PTGFR: variants seen among roughly 807,000 people sequenced by gnomAD.
PTGFR encodes the protein prostaglandin F receptor, also known as prostaglandin F2-alpha receptor.
PTGFR carries 15 observed loss-of-function variants against 26.2 expected under a neutral mutation model. The observed-to-expected ratio is 0.57, with a 90% confidence interval of 0.38 to 0.88. The LOEUF is 0.88. Ranked by LOEUF, PTGFR falls within the 40% of genes least tolerant of loss-of-function variation. The pLI is 0.00. For synonymous variants in PTGFR, 165 were observed against 151.1 expected (o/e 1.09, Z -0.68); for missense variants, 369 against 427.2 (o/e 0.86, Z 1.20).
intron 2 of PTGFR, among the ~76,000 whole-genome samples, chr1:78,511,472 G>A (rs1649969113): frequency 6.6e-6 from 1 of 152,198 alleles, no homozygotes; most frequent in Non-Finnish European, 1.5e-5. Context: ...AGCCATGGCT[G>A]GAGCTGAAAC....
chr1:78,522,536 A>AT (rs1311606872), intron 2 of PTGFR, among the ~76,000 whole-genome samples: 5 of 152,214 alleles, frequency 3.3e-5, no homozygotes, highest in Non-Finnish European at 7.4e-5. Context: ...TTCTCAAAGC[A>AT]TATACACATG....
At chr1:78,507,778 A>G (rs1158262108) in intron 2 of PTGFR, among the ~76,000 whole-genome samples, 12 of 152,160 alleles carry the variant, frequency 7.9e-5, no homozygotes, top group Non-Finnish European at 1.6e-4. Flanking sequence ...TGATTTCTAG[A>G]TTGCTGAAGT....
rs35438037 is a variant in PTGFR at position 78,526,852 on chromosome 1, A to T, written c.799-9554A>T. 1.8e-4 allele frequency among the ~76,000 whole-genome samples: 28 copies of T among 152,214 alleles called. No homozygotes were observed. In the East Asian group the frequency reaches 5.2e-3, roughly 28 times the overall value. Reference sequence around the variant, plus strand: ...CACTCATTAAAAGGGATAGAACACAACTGTGCTGATCGTAGAATTAACTGT... The same window carrying T: ...CACTCATTAAAAGGGATAGAACACATCTGTGCTGATCGTAGAATTAACTGT... On this transcript the variant is annotated intron_variant, in intron 2 of 2. Coordinates refer to ENST00000370757, the MANE Select transcript of PTGFR (RefSeq NM_000959.4).
At chr1:78,532,643 C>T (rs1434567919) in intron 2 of PTGFR, among the ~76,000 whole-genome samples, 1 of 151,248 alleles carries the variant, frequency 6.6e-6, no homozygotes, top group Non-Finnish European at 1.5e-5. Context: ...TCTCTGCTCA[C>T]TGCAACCTCT....
At chr1:78,531,768 C>T (rs1570300360) in intron 2 of PTGFR, among the ~76,000 whole-genome samples, 1 of 152,142 alleles carries the variant, frequency 6.6e-6, no homozygotes, top group South Asian at 2.1e-4. Flanking sequence ...TTGTCTTCCC[C>T]AACTCAAGTG....
intron 2 of PTGFR, among the ~76,000 whole-genome samples, chr1:78,523,580 C>T (rs2100388372): frequency 1.5e-5 from 2 of 135,922 alleles, no homozygotes; most frequent in Middle Eastern, 4.4e-3. Flanking sequence ...AATAGGGAGT[C>T]TGGCACAGGT....
intron 2 of PTGFR, among the ~76,000 whole-genome samples, chr1:78,508,271 T>C (rs1481552647): frequency 2.0e-5 from 3 of 152,248 alleles, no homozygotes; most frequent in Non-Finnish European, 4.4e-5. Flanking sequence ...TATTCTTTTC[T>C]ACAAAAATTG....
chr1:78,492,937 C>T lies in PTGFR; in HGVS notation c.194C>T (p.Ser65Leu), dbSNP rs1363168783. 3 of 1,614,236 alleles carry T rather than the reference C, an allele frequency of 1.9e-6. No homozygotes were observed. Among genetic ancestry groups the T allele is most frequent in the African/African-American group, 1.3e-5 (1 of 75,062 alleles). ...AGATTTAGACAGAAGTCCAAGGCAT[C>T]GTTTCTGCTTTTGGCCAGTGGCCTG... ...YQRFRQKSKA[S>L]FLLLASGLVI... is the part of the protein sequence containing the mutation. The change falls in exon 2 of 3, where the codon TCG becomes TTG. Residue 65 changes from serine (S) to leucine (L), a missense_variant. Coordinates refer to ENST00000370757, the MANE Select transcript of PTGFR (RefSeq NM_000959.4).
chr1:78,529,828 G>C (rs1450738810), intron 2 of PTGFR, among the ~76,000 whole-genome samples: 6 of 152,172 alleles, frequency 3.9e-5, no homozygotes, highest in Non-Finnish European at 8.8e-5. Context: ...TACCACCTGA[G>C]TTCTGCCTCC....
In PTGFR at chr1:78,537,446, G is replaced by A. The variant is rs1308305163; in HGVS notation, c.*759G>A. 6.6e-6 allele frequency: 1 copy of A among 152,022 alleles called. No individual in the cohort carries two copies. Among genetic ancestry groups the A allele is most frequent in the Non-Finnish European group, 1.5e-5 (1 of 67,996 alleles). The allele number at this position is 152,022 out of a possible 1,614,324, so 9.4% of individuals were successfully genotyped here. ...ATAAATAATTTTTAGAGAAACAAAG[G>A]CTCTTTCTCAGCACATTGATGGGCA... On this transcript the variant is annotated 3_prime_UTR_variant, in exon 3 of 3. Transcript: ENST00000370757.
intron 2 of PTGFR, among the ~76,000 whole-genome samples, chr1:78,507,539 T>C (rs572969531): frequency 1.3e-5 from 2 of 151,512 alleles, no homozygotes; most frequent in African/African-American, 4.8e-5. Context: ...GGATATAGTC[T>C]ATGTCTACTT....
At chr1:78,492,631 A>C in intron 1 of PTGFR, 41 bp from the exon 2 acceptor site, 1 of 1,013,914 alleles carries the variant, frequency 9.9e-7, no homozygotes, top group Non-Finnish European at 1.4e-6. Flanking sequence ...TCAGATGAGC[A>C]GTAATGCGGT....
rs2100412410 is a variant in PTGFR at position 78,540,215 on chromosome 1, T to C, written c.*3528T>C. ...GAATCACACACAGGCTGTTAGAATA[T>C]CCATCTGGAGGCAACACACATTTGC... On this transcript the variant is annotated 3_prime_UTR_variant, in exon 3 of 3. Coordinates refer to ENST00000370757, the MANE Select transcript of PTGFR (RefSeq NM_000959.4). 6.6e-6 allele frequency among the ~76,000 whole-genome samples: 1 copy of C among 152,162 alleles called. No homozygotes were observed. Among genetic ancestry groups the C allele is most frequent in the East Asian group, 1.9e-4 (1 of 5,168 alleles).
Position 78,506,909 on chromosome 1 carries a change from G to A in PTGFR, c.798+13368G>A, listed in dbSNP as rs141138956. On this transcript the variant is annotated intron_variant, in intron 2 of 2. Coordinates refer to ENST00000370757, the MANE Select transcript of PTGFR (RefSeq NM_000959.4). Reference sequence around the variant, plus strand: ...GTGAATGTTATGTTAGGGAGACTCCGCATTCTATTGTATTCCTCTGAAGAG... The same window carrying A: ...GTGAATGTTATGTTAGGGAGACTCCACATTCTATTGTATTCCTCTGAAGAG... Among the ~76,000 whole-genome samples the A allele has an allele frequency of 3.5e-3, 532 of 152,132 alleles. 2 individuals carry two copies. The highest frequency in any genetic ancestry group is 0.012 in the African/African-American group (518 of 41,526).
At chr1:78,510,989 C>T (rs1179738722) in intron 2 of PTGFR, among the ~76,000 whole-genome samples, 1 of 152,294 alleles carries the variant, frequency 6.6e-6, no homozygotes, top group East Asian at 1.9e-4. Flanking sequence ...CAGGGCACGC[C>T]AGTGTAAGAG....
rs534324885 is a variant in PTGFR, at chr1:78,505,250, G to A, written c.798+11709G>A. ...TGATTCTCCTGCCTCAGCCTCCTGAGTAGCTGGGATTACAGGCACCCACCA... is the reference window on the plus strand; with the variant it reads ...TGATTCTCCTGCCTCAGCCTCCTGAATAGCTGGGATTACAGGCACCCACCA... On this transcript the variant is annotated intron_variant, in intron 2 of 2. Transcript: ENST00000370757. Among the ~76,000 whole-genome samples the A allele has an allele frequency of 2.6e-5, 4 of 151,336 alleles. No homozygotes were observed. The South Asian group carries it at 8.3e-4, about 32-fold the overall frequency.
chr1:78,527,513 A>G (rs1650400749), intron 2 of PTGFR, among the ~76,000 whole-genome samples: 1 of 152,136 alleles, frequency 6.6e-6, no homozygotes, highest in Non-Finnish European at 1.5e-5. Flanking sequence ...AAATTATGCC[A>G]AAGAGATACA....
intron 2 of PTGFR, among the ~76,000 whole-genome samples, chr1:78,534,518 T>A (rs4650581): frequency 0.14 from 21,491 of 152,034 alleles, 1,770 homozygotes; most frequent in Non-Finnish European, 0.2. Flanking sequence ...TCCACAAATT[T>A]CTTAGGGGAA....
intron 2 of PTGFR, among the ~76,000 whole-genome samples, chr1:78,502,592 A>T (rs144607942): frequency 6.6e-6 from 1 of 152,154 alleles, no homozygotes; most frequent in Non-Finnish European, 1.5e-5. Flanking sequence ...TGCTGTTACT[A>T]TTAAATAATA....
Sources: allele counts gnomAD v4.1 joint callset (sites outside exome capture counted in the v4.1 genomes callset), GRCh38; gene constraint gnomAD v4.1.1; transcripts MANE v1.5; gene names NCBI Gene and HGNC (gene_info 2026-07-23, HGNC 2026-07-21).